LURAP1: variants seen among roughly 807,000 people sequenced by gnomAD.
LURAP1 encodes the protein leucine rich adaptor protein 1, also known as NF-kappa-B activator C1orf190.
In LURAP1, 14 loss-of-function variants were observed where a neutral mutation model predicts 19.0. The ratio of observed to expected loss-of-function variants is 0.74; its 90% confidence interval spans 0.49 to 1.15. LURAP1 has a LOEUF of 1.15. Among genes scored for constraint, LURAP1 ranks in the 50% most tolerant of loss-of-function variants. The pLI is 0.00. For synonymous variants in LURAP1, 129 were observed against 131.8 expected (o/e 0.98, Z 0.14); for missense variants, 273 against 309.1 (o/e 0.88, Z 0.87).
intron 1 of LURAP1, among the ~76,000 whole-genome samples, chr1:46,204,128 CCTT>C (rs1557682233): frequency 6.6e-6 from 1 of 152,288 alleles, no homozygotes; most frequent in African/African-American, 2.4e-5. Context: ...GCACTGAAAA[CCTT>C]CTCCGTTTCC....
chr1:46,203,553 C>T lies in LURAP1; in HGVS notation c.127C>T (p.Leu43=), dbSNP rs200199469. Residue 43 remains leucine, a synonymous_variant, in exon 1 of 2, where the codon CTG becomes TTG. Transcript: ENST00000371980. ...GECELGTSGA[L]LLPGASSTGH... is the part of the protein sequence containing the mutation. ...GTGTGAGCTGGGAACCTCTGGCGCC[C>T]TGCTGCTCCCAGGGGCGTCTAGCAC... The T allele has an allele frequency of 8.9e-6, 14 of 1,568,852 alleles. No homozygotes were observed. Among genetic ancestry groups the T allele is most frequent in the African/African-American group, 1.4e-5 (1 of 72,368 alleles).
chr1:46,211,879 A>C (rs1658908020), intron 1 of LURAP1, among the ~76,000 whole-genome samples: 1 of 152,066 alleles, frequency 6.6e-6, no homozygotes, highest in South Asian at 2.1e-4. Context: ...CTCCTGCCTC[A>C]GCCTCCTGAG....
At chr1:46,209,308 C>T (rs1198557006) in intron 1 of LURAP1, among the ~76,000 whole-genome samples, 1 of 151,758 alleles carries the variant, frequency 6.6e-6, no homozygotes, top group Non-Finnish European at 1.5e-5. Flanking sequence ...ACAGAGCCAC[C>T]GCCCCCTGCC....
chr1:46,214,368 A>C (rs1272207662), intron 1 of LURAP1, among the ~76,000 whole-genome samples: 1 of 151,958 alleles, frequency 6.6e-6, no homozygotes, highest in Non-Finnish European at 1.5e-5. Context: ...AAAAAGGAAA[A>C]GAAAAAGCAA....
At chr1:46,214,506 C>A (rs1659002733) in intron 1 of LURAP1, among the ~76,000 whole-genome samples, 1 of 152,086 alleles carries the variant, frequency 6.6e-6, no homozygotes, top group Non-Finnish European at 1.5e-5. Context: ...GGTAAACATT[C>A]AGAGAACTAG....
intron 1 of LURAP1, among the ~76,000 whole-genome samples, chr1:46,209,539 T>TC (rs1658827229): frequency 6.8e-6 from 1 of 146,264 alleles, no homozygotes; most frequent in Non-Finnish European, 1.5e-5. Flanking sequence ...GTTGTTTTCT[T>TC]TTTTTTTTTC....
Position 46,219,772 on chromosome 1 carries a change from G to A in LURAP1, c.272G>A (p.Arg91His), listed in dbSNP as rs529637681. Residue 91 changes from arginine to histidine, a missense_variant, in exon 2 of 2, where the codon CGC becomes CAC. Coordinates refer to ENST00000371980, the MANE Select transcript of LURAP1 (RefSeq NM_001013615.3). ...TTGAATGAGGGCATCGAGGCAGTGC[G>A]CTGGCTGTTGGAGGAGCGGGGGACG... ...VTLNEGIEAV[R>H]WLLEERGTLT... 202 of 1,614,008 alleles carry A rather than the reference G, an allele frequency of 1.3e-4. 3 individuals are homozygous for A. In the South Asian group the frequency reaches 2.0e-3, roughly 16 times the overall value.
intron 1 of LURAP1, among the ~76,000 whole-genome samples, chr1:46,209,444 A>G (rs1441995897): frequency 6.6e-6 from 1 of 152,112 alleles, no homozygotes; most frequent in African/African-American, 2.4e-5. Context: ...TTTAAAAGTC[A>G]TATTCTAAGA....
chr1:46,209,970 G>C (rs1483784537), intron 1 of LURAP1, among the ~76,000 whole-genome samples: 1 of 152,096 alleles, frequency 6.6e-6, no homozygotes, highest in African/African-American at 2.4e-5. Flanking sequence ...TGTCTTCACT[G>C]TTCATATATT....
At chr1:46,203,952 C>G (rs1176521301) in intron 1 of LURAP1, among the ~76,000 whole-genome samples, 1 of 152,070 alleles carries the variant, frequency 6.6e-6, no homozygotes, top group Non-Finnish European at 1.5e-5. Flanking sequence ...AAATTCCCCC[C>G]GCCTGTATGG....
rs750552341 is a variant in LURAP1, at chr1:46,219,825, A to G, written c.325A>G (p.Ser109Gly). The G allele has an allele frequency of 6.2e-7, 1 of 1,614,236 alleles. No individual in the cohort carries two copies. The highest frequency in any genetic ancestry group is 1.6e-4 in the Middle Eastern group (1 of 6,062). ...GACCAGTCATTGCAGCAGCCTCACC[A>G]GCAGTCAATATAGCCTGACAGGCGG... ...TLTSHCSSLT[S>G]SQYSLTGGSP... The change falls in exon 2 of 2, where the codon AGC (serine) becomes GGC (glycine). Residue 109 changes from serine (S) to glycine (G), a missense_variant. By Grantham distance (56) the Ser-to-Gly change is moderately conservative. Coordinates refer to ENST00000371980, the MANE Select transcript of LURAP1 (RefSeq NM_001013615.3).
At chr1:46,219,149 G>A (rs879819936) in intron 1 of LURAP1, among the ~76,000 whole-genome samples, 8 of 152,030 alleles carry the variant, frequency 5.3e-5, no homozygotes, top group Non-Finnish European at 8.8e-5. Context: ...TACAAAATTA[G>A]CTGGGTGTGG....
chr1:46,205,230 C>G (rs1658674029), intron 1 of LURAP1, among the ~76,000 whole-genome samples: 1 of 151,822 alleles, frequency 6.6e-6, no homozygotes, highest in Non-Finnish European at 1.5e-5. Flanking sequence ...TGCACTCCAG[C>G]CTGGGTGACA....
chr1:46,203,687 T>C, intron 1 of LURAP1, 63 bp downstream of exon 1: 1 of 1,496,498 alleles, frequency 6.7e-7, no homozygotes, highest in Non-Finnish European at 9.0e-7. Flanking sequence ...AGGGACGAAC[T>C]CATGCTCCCA....
chr1:46,215,225 CAAAAA>C (rs35554687), intron 1 of LURAP1, among the ~76,000 whole-genome samples: 2 of 75,622 alleles, frequency 2.6e-5, no homozygotes, highest in Non-Finnish European at 5.5e-5. Flanking sequence ...AACTCTGTCT[CAAAAA>C]AAAAAAAAAA....
chr1:46,210,504 G>A (rs1020878671), intron 1 of LURAP1, among the ~76,000 whole-genome samples: 4 of 152,140 alleles, frequency 2.6e-5, no homozygotes, highest in Non-Finnish European at 5.9e-5. Flanking sequence ...GACACTAGTC[G>A]TAAATCTGGG....
intron 1 of LURAP1, among the ~76,000 whole-genome samples, chr1:46,217,690 C>G (rs10047239): frequency 6.6e-6 from 1 of 151,978 alleles, no homozygotes. Flanking sequence ...TGCCCTGTCT[C>G]TACTAAAAAT....
At chr1:46,219,661 C>T in intron 1 of LURAP1, 38 bp from the exon 2 acceptor site, 1 of 1,534,550 alleles carries the variant, frequency 6.5e-7, no homozygotes, top group Non-Finnish European at 8.7e-7. Flanking sequence ...AAACCCATGC[C>T]CCAGAACTGG....
intron 1 of LURAP1, among the ~76,000 whole-genome samples, chr1:46,205,449 T>G (rs1035919907): frequency 1.3e-5 from 2 of 152,202 alleles, no homozygotes; most frequent in Non-Finnish European, 2.9e-5. Context: ...TTGTGCCAGA[T>G]AGTCTGAACA....
Sources: allele counts gnomAD v4.1 joint callset (sites outside exome capture counted in the v4.1 genomes callset), GRCh38; gene constraint gnomAD v4.1.1; transcripts MANE v1.5; gene names NCBI Gene and HGNC (gene_info 2026-07-23, HGNC 2026-07-21).